USP3: variants seen among roughly 807,000 people sequenced by gnomAD.
USP3 encodes the protein ubiquitin carboxyl-terminal hydrolase 3.
A neutral mutation model predicts 72.3 loss-of-function variants in USP3; 20 were observed. The observed-to-expected ratio is 0.28, with a 90% confidence interval of 0.19 to 0.40. The LOEUF (loss-of-function observed/expected upper bound fraction) is 0.40, where lower values mean the gene tolerates loss of function less well. USP3 is among the 10% of genes least tolerant of loss of function. The pLI is 1.00. For missense variants in USP3, 479 were observed against 633.9 expected (o/e 0.76, Z 2.62); for synonymous variants, 222 against 225.3 (o/e 0.99, Z 0.13).
At chr15:63,511,953 C>CTT (rs58146448) in intron 1 of USP3, among the ~76,000 whole-genome samples, 2,103 of 112,182 alleles carry the variant, frequency 0.019, 67 homozygotes, top group Non-Finnish European at 0.028. Flanking sequence ...AACTGCAGAT[C>CTT]TTTTTTTTTT....
At position 63,529,937 on chromosome 15, in the gene USP3, G is replaced by C. The variant is rs1336038888; in HGVS notation, c.92-2710G>C. ...GCTTGAGCTAAGGGATTCAAGACCA[G>C]TCTAGGCAACATAGTGAGACCCTGT... On this transcript the variant is annotated intron_variant, in intron 1 of 14. Coordinates refer to ENST00000380324, the MANE Select transcript of USP3 (RefSeq NM_006537.4). The surrounding 1 kb of genome is among the most constrained non-coding windows in gnomAD (Gnocchi z 4.2). 1.3e-5 allele frequency among the ~76,000 whole-genome samples: 2 copies of C among 152,152 alleles called. No homozygotes were observed. Among genetic ancestry groups the C allele is most frequent in the African/African-American group, 4.8e-5 (2 of 41,426 alleles).
rs1271948082 is a variant in USP3 at position 63,570,625 on chromosome 15, T to C, written c.908+46T>C. The C allele has an allele frequency of 5.1e-6, 8 of 1,562,886 alleles. No homozygotes were observed. Among genetic ancestry groups the C allele is most frequent in the Non-Finnish European group, 1.7e-6 (2 of 1,156,138 alleles). ...GTTTTTTAGGAGGGCCTCAGACATT[T>C]CTTTTGGTGTTAATTATGTGTTAGA... On this transcript the variant is annotated intron_variant, in intron 9 of 14. Coordinates refer to ENST00000380324, the MANE Select transcript of USP3 (RefSeq NM_006537.4). This position sits in a 1 kb window ranked among gnomAD's most constrained non-coding sequence, Gnocchi z 4.4.
chr15:63,547,888 G>GAGAGAGAGAGAGTCAT, intron 3 of USP3, among the ~76,000 whole-genome samples: 1 of 73,300 alleles, frequency 1.4e-5, no homozygotes, highest in Admixed American at 1.3e-4. Flanking sequence ...GAGAGAGAGA[G>GAGAGAGAGAGAGTCAT]AGAGAGAGGC....
intron 1 of USP3, among the ~76,000 whole-genome samples, chr15:63,522,860 T>C (rs766916037): frequency 2.0e-5 from 3 of 152,162 alleles, no homozygotes; most frequent in Non-Finnish European, 4.4e-5. Flanking sequence ...ATACCAAGGG[T>C]ATATTATGGT....
At chr15:63,524,666 C>G (rs781113561) in intron 1 of USP3, among the ~76,000 whole-genome samples, 17 of 152,242 alleles carry the variant, frequency 1.1e-4, no homozygotes, top group Non-Finnish European at 1.9e-4. Context: ...CTCTGTCCCC[C>G]AGTGGTGTCA....
chr15:63,523,595 T>C (rs146478722), intron 1 of USP3, among the ~76,000 whole-genome samples: 70 of 152,280 alleles, frequency 4.6e-4, no homozygotes, highest in African/African-American at 1.6e-3. Context: ...GCTAAAACAA[T>C]GTGGAGCAGA....
At position 63,532,695 on chromosome 15, in the gene USP3, T is replaced by C. The variant is rs1430012089; in HGVS notation, c.140T>C (p.Val47Ala). ...TGGGTCTGTTTGACTTGTTCAAGTG[T>C]CCACTGTGGAAGGTAGGTGACATAC... is the stretch of plus-strand genomic sequence containing the variant. ...SPWVCLTCSS[V>A]HCGRYVNGHA... The change falls in exon 2 of 15, where the codon GTC becomes GCC. Residue 47 changes from valine (V) to alanine (A), a missense_variant. Coordinates refer to ENST00000380324, the MANE Select transcript of USP3 (RefSeq NM_006537.4). 2 of 1,614,062 alleles carry C rather than the reference T, an allele frequency of 1.2e-6. No homozygotes were observed. Among genetic ancestry groups the C allele is most frequent in the Non-Finnish European group, 1.7e-6 (2 of 1,179,946 alleles).
intron 2 of USP3, among the ~76,000 whole-genome samples, chr15:63,534,653 T>G (rs1249326795): frequency 1.3e-5 from 2 of 152,204 alleles, no homozygotes; most frequent in African/African-American, 4.8e-5. Flanking sequence ...GTATTCCTAC[T>G]TCTTAGTTTA....
chr15:63,530,733 C>T (rs572729017), intron 1 of USP3: 2 of 319,856 alleles, frequency 6.3e-6, no homozygotes, highest in African/African-American at 4.6e-5. Context: ...AAGCTGTGTA[C>T]TAGTTTACTT....
Position 63,588,684 on chromosome 15 carries a change from C to T in USP3, c.1216-18C>T, listed in dbSNP as rs376686338. The T allele has an allele frequency of 5.6e-5, 88 of 1,569,460 alleles. No homozygotes were observed. Among genetic ancestry groups the T allele is most frequent in the Admixed American group, 3.0e-4 (18 of 59,108 alleles). ...AAATTAGGTGTTCACAATCTTTGAC[C>T]GCATCTCTGTCCTCCAGGTGCTATG... On this transcript the variant is annotated intron_variant, in intron 12 of 14. Transcript: ENST00000380324. This position sits in a 1 kb window ranked among gnomAD's most constrained non-coding sequence, Gnocchi z 4.6.
At chr15:63,523,073 T>G (rs186602221) in intron 1 of USP3, among the ~76,000 whole-genome samples, 93 of 152,356 alleles carry the variant, frequency 6.1e-4, no homozygotes, top group African/African-American at 2.1e-3. Flanking sequence ...ACGTAAAATT[T>G]AATGATTCTG....
intron 1 of USP3, among the ~76,000 whole-genome samples, chr15:63,523,056 A>T (rs987966327): frequency 6.6e-6 from 1 of 152,228 alleles, no homozygotes; most frequent in Non-Finnish European, 1.5e-5. Flanking sequence ...AGTATTTTAC[A>T]TTAGATACGT....
At position 63,592,293 on chromosome 15, in the gene USP3, G is replaced by A. The variant is rs1378582899; in HGVS notation, c.*1467G>A. On this transcript the variant is annotated 3_prime_UTR_variant, in exon 15 of 15. Transcript: ENST00000380324. ...ACCAGAATCCCATTTAAAGAAAGCA[G>A]TTGTGGTTTCTACAAGTGTTCTAAG... The A allele has an allele frequency of 6.6e-6, 1 of 150,386 alleles. No homozygotes were observed. The highest frequency in any genetic ancestry group is 2.5e-5 in the African/African-American group (1 of 40,698). 9.3% of individuals were successfully genotyped at this position (150,386 alleles called of 1,614,324 possible).
rs983007905 is a variant in USP3, at chr15:63,536,903, A to G, written c.153-122A>G. On this transcript the variant is annotated intron_variant, in intron 2 of 14. Transcript: ENST00000380324. The stretch of plus-strand genomic sequence containing the variant: ...AGTATTCAGTATAATAAATCACTAC[A>G]TGATTGACTGCTGTTATAGGATTTC... 2.2e-5 allele frequency: 23 copies of G among 1,051,786 alleles called. No homozygotes were observed. In the African/African-American group the frequency reaches 2.9e-4, roughly 13 times the overall value. The allele number at this position is 1,051,786 out of a possible 1,614,324, so 65.2% of individuals were successfully genotyped here.
intron 1 of USP3, among the ~76,000 whole-genome samples, chr15:63,507,795 A>G (rs2065732778): frequency 6.6e-6 from 1 of 152,198 alleles, no homozygotes; most frequent in Admixed American, 6.5e-5. Flanking sequence ...TGAGCACCTG[A>G]AGAGCCTTCG....
In USP3 at chr15:63,588,917, C is replaced by T. The variant is rs764789679; in HGVS notation, c.1330-27C>T. ...TCATCGAGATACTGATGTCATTGAC[C>T]ACTGCTCCTTCTTCCTTGTTCTGTA... is the stretch of plus-strand genomic sequence containing the variant. On this transcript the variant is annotated intron_variant, in intron 13 of 14. Transcript: ENST00000380324. This position sits in a 1 kb window ranked among gnomAD's most constrained non-coding sequence, Gnocchi z 4.6. The T allele has an allele frequency of 4.3e-6, 7 of 1,613,928 alleles. No homozygotes were observed. Among genetic ancestry groups the T allele is most frequent in the Non-Finnish European group, 5.9e-6 (7 of 1,179,888 alleles).
In USP3 at chr15:63,529,180, T is replaced by G. The variant is rs958151151; in HGVS notation, c.92-3467T>G. 5 of 538,520 alleles carry G rather than the reference T, an allele frequency of 9.3e-6. No individual in the cohort carries two copies. The highest frequency in any genetic ancestry group is 8.9e-6 in the Non-Finnish European group (3 of 336,292). 33.4% of individuals were successfully genotyped at this position (538,520 alleles called of 1,614,324 possible). A position where few individuals can be genotyped will look rare whatever the true frequency, so the allele number is the denominator to read the frequency against. ...CACACTTGGCAGGTAGTAAAGTGGT[T>G]TTTTTTTTTTTCTTTTTTTTGAGAT... On this transcript the variant is annotated intron_variant, in intron 1 of 14. Coordinates refer to ENST00000380324, the MANE Select transcript of USP3 (RefSeq NM_006537.4). The surrounding 1 kb of genome is among the most constrained non-coding windows in gnomAD (Gnocchi z 4.2).
chr15:63,551,237 A>C (rs1304763052), intron 3 of USP3: 1 of 152,104 alleles, frequency 6.6e-6, no homozygotes, highest in Admixed American at 6.5e-5. Context: ...GCAGCTTTTT[A>C]ACTTTGCTCT....
intron 8 of USP3, among the ~76,000 whole-genome samples, chr15:63,564,941 T>C (rs1595753688): frequency 6.6e-6 from 1 of 152,144 alleles, no homozygotes; most frequent in East Asian, 1.9e-4. Flanking sequence ...GGCAGGGAGG[T>C]GGGGCTTGCT....
Sources: gnomAD v4.1 joint callset for allele counts (sites outside exome capture counted in the v4.1 genomes callset) on GRCh38, gnomAD v4.1.1 for gene constraint, Gnocchi (gnomAD v3.1) non-coding constraint, MANE v1.5 for transcripts, NCBI Gene and HGNC (gene_info 2026-07-23, HGNC 2026-07-21) for gene names.